The following KCNH8 variants were observed in gnomAD, a reference collection of about 807,000 sequenced individuals.
The protein encoded by KCNH8 is potassium voltage-gated channel subfamily H member 8.
In KCNH8, 70 loss-of-function variants were observed where a neutral mutation model predicts 103.6. That is an observed-to-expected ratio of 0.68 (90% CI 0.56 to 0.82). The LOEUF is 0.82. Among genes scored for constraint, KCNH8 ranks in the 40% least tolerant of loss-of-function variants. The probability of loss-of-function intolerance (pLI) is 0.00; values close to 1 mark genes in which losing one functional copy is unlikely to be tolerated. For synonymous variants in KCNH8, 498 were observed against 489.4 expected (o/e 1.02, Z -0.23); for missense variants, 1,217 against 1,329.9 (o/e 0.92, Z 1.32).
intron 1 of KCNH8, among the ~76,000 whole-genome samples, chr3:19,214,770 G>T (rs2063802983): frequency 6.6e-6 from 1 of 152,188 alleles, no homozygotes; most frequent in African/African-American, 2.4e-5. Context: ...AGAAGATAGT[G>T]AAGTTAGTAA....
intron 5 of KCNH8, among the ~76,000 whole-genome samples, chr3:19,353,602 C>G (rs2065836163): frequency 6.6e-6 from 1 of 152,096 alleles, no homozygotes; most frequent in Non-Finnish European, 1.5e-5. Flanking sequence ...GAAACATAAT[C>G]CATCATAGAA....
chr3:19,256,824 C>T (rs748219648), intron 2 of KCNH8, among the ~76,000 whole-genome samples: 39 of 152,030 alleles, frequency 2.6e-4, no homozygotes, highest in Non-Finnish European at 5.1e-4. Flanking sequence ...TTAAGTTAGT[C>T]GCCATGGGGA....
At chr3:19,487,460 C>T (rs1258355155) in intron 11 of KCNH8, among the ~76,000 whole-genome samples, 1 of 152,090 alleles carries the variant, frequency 6.6e-6, no homozygotes, top group East Asian at 1.9e-4. Context: ...AACTATAGTT[C>T]TAAATTATAG....
At chr3:19,382,350 C>T (rs1174350476) in intron 5 of KCNH8, among the ~76,000 whole-genome samples, 1 of 152,066 alleles carries the variant, frequency 6.6e-6, no homozygotes, top group Non-Finnish European at 1.5e-5. Context: ...AGTTGGGTAA[C>T]CTTCAGCAAG....
intron 8 of KCNH8, among the ~76,000 whole-genome samples, chr3:19,439,500 C>A (rs967199334): frequency 6.6e-6 from 1 of 152,100 alleles, no homozygotes; most frequent in African/African-American, 2.4e-5. Flanking sequence ...CAAAAATACA[C>A]TTCCTAAGTA....
At chr3:19,261,021 A>G (rs2064428119) in intron 2 of KCNH8, among the ~76,000 whole-genome samples, 1 of 148,262 alleles carries the variant, frequency 6.7e-6, no homozygotes, top group Non-Finnish European at 1.5e-5. Context: ...TTTTATATTG[A>G]TGGACACCTA....
intron 7 of KCNH8, among the ~76,000 whole-genome samples, chr3:19,405,423 T>C (rs922364009): frequency 2.0e-5 from 3 of 151,886 alleles, no homozygotes; most frequent in African/African-American, 7.2e-5. Context: ...AAGACAATCA[T>C]ATAATATATA....
chr3:19,309,725 A>C (rs775822998), intron 3 of KCNH8, among the ~76,000 whole-genome samples: 1 of 151,944 alleles, frequency 6.6e-6, no homozygotes, highest in Non-Finnish European at 1.5e-5. Context: ...GAAGGAAAAC[A>C]TTTAGATAGA....
At chr3:19,428,804 G>A (rs2067067452) in intron 7 of KCNH8, among the ~76,000 whole-genome samples, 1 of 152,148 alleles carries the variant, frequency 6.6e-6, no homozygotes, top group African/African-American at 2.4e-5. Context: ...ACTTTTATAT[G>A]CTGCATTGCT....
At chr3:19,408,059 G>T (rs1314762164) in intron 7 of KCNH8, among the ~76,000 whole-genome samples, 2 of 152,072 alleles carry the variant, frequency 1.3e-5, no homozygotes, top group East Asian at 1.9e-4. Context: ...TGCATTCCAT[G>T]AGTCAGTGCA....
At chr3:19,394,884 C>A (rs890701904) in intron 6 of KCNH8, among the ~76,000 whole-genome samples, 13 of 152,032 alleles carry the variant, frequency 8.6e-5, no homozygotes, top group Non-Finnish European at 1.6e-4. Flanking sequence ...AAGGTGTTTA[C>A]TCAAATAAAT....
intron 3 of KCNH8, among the ~76,000 whole-genome samples, chr3:19,318,407 A>G (rs944063777): frequency 6.6e-6 from 1 of 151,700 alleles, no homozygotes; most frequent in African/African-American, 2.4e-5. Flanking sequence ...CCCAATGTGT[A>G]ATCTTTTATC....
At chr3:19,349,855 C>T (rs1009339363) in intron 5 of KCNH8, among the ~76,000 whole-genome samples, 1 of 152,090 alleles carries the variant, frequency 6.6e-6, no homozygotes, top group African/African-American at 2.4e-5. Flanking sequence ...TGTGCTTCAG[C>T]AGCAAGATGG....
intron 11 of KCNH8, among the ~76,000 whole-genome samples, chr3:19,473,278 A>G (rs2067902079): frequency 6.6e-6 from 1 of 152,214 alleles, no homozygotes; most frequent in African/African-American, 2.4e-5. Context: ...TCTTTAACTT[A>G]ATTCTATTGC....
intron 11 of KCNH8, among the ~76,000 whole-genome samples, chr3:19,471,958 C>G (rs2067866295): frequency 1.3e-5 from 2 of 152,120 alleles, no homozygotes; most frequent in Non-Finnish European, 2.9e-5. Context: ...ATTTATTAAG[C>G]TGTACACTTT....
intron 11 of KCNH8, among the ~76,000 whole-genome samples, chr3:19,474,382 G>C (rs1217428989): frequency 6.6e-6 from 1 of 152,140 alleles, no homozygotes. Context: ...CAGATTCAAG[G>C]CATCTATTTG....
chr3:19,310,705 TTTC>T (rs1223704114), intron 3 of KCNH8, among the ~76,000 whole-genome samples: 2 of 151,826 alleles, frequency 1.3e-5, no homozygotes, highest in African/African-American at 4.8e-5. Context: ...TTACAATCTA[TTTC>T]TTAACAGAGT....
chr3:19,331,081 A>G (rs899214391), intron 3 of KCNH8, among the ~76,000 whole-genome samples: 1 of 151,984 alleles, frequency 6.6e-6, no homozygotes, highest in Non-Finnish European at 1.5e-5. Context: ...AAGTTTTTCA[A>G]AAATCAAAAT....
At chr3:19,187,877 T>A (rs137869832) in intron 1 of KCNH8, among the ~76,000 whole-genome samples, 11 of 152,068 alleles carry the variant, frequency 7.2e-5, no homozygotes, top group Non-Finnish European at 1.5e-4. Context: ...CTGGTAAAAT[T>A]TCATGAATTG....
Sources: gnomAD v4.1 joint callset for allele counts (sites outside exome capture counted in the v4.1 genomes callset) on GRCh38, gnomAD v4.1.1 for gene constraint, MANE v1.5 for transcripts, NCBI Gene and HGNC (gene_info 2026-07-23, HGNC 2026-07-21) for gene names.